The following SLC1A3 variants were observed in gnomAD, a reference collection of about 807,000 sequenced individuals.
SLC1A3 encodes the protein solute carrier family 1 member 3.
In SLC1A3, 21 loss-of-function variants were observed where a neutral mutation model predicts 48.1. The ratio of observed to expected loss-of-function variants is 0.44; its 90% CI spans 0.31 to 0.63. The LOEUF is 0.63. Among genes scored for constraint, SLC1A3 ranks in the 20% least tolerant of loss-of-function variants. The pLI is 0.08. For missense variants in SLC1A3, 546 were observed against 689.0 expected (o/e 0.79, Z 2.32); for synonymous variants, 239 against 251.4 (o/e 0.95, Z 0.47).
intron 2 of SLC1A3, among the ~76,000 whole-genome samples, chr5:36,622,406 G>A (rs1001179002): frequency 6.6e-5 from 10 of 152,164 alleles, no homozygotes; most frequent in African/African-American, 2.4e-4. Flanking sequence ...GCAGATAGAG[G>A]AGGTACTTTA....
chr5:36,684,429 A>G (rs1392066166), intron 9 of SLC1A3, among the ~76,000 whole-genome samples: 1 of 152,150 alleles, frequency 6.6e-6, no homozygotes, highest in Non-Finnish European at 1.5e-5. Flanking sequence ...TCCTAGCCCA[A>G]TAGGGTGAGG....
intron 2 of SLC1A3, among the ~76,000 whole-genome samples, chr5:36,616,551 C>T (rs1171813925): frequency 6.6e-6 from 1 of 152,162 alleles, no homozygotes; most frequent in Non-Finnish European, 1.5e-5. Flanking sequence ...TCCAGTTCTC[C>T]AACAATGTTT....
chr5:36,636,709 A>G lies in SLC1A3; in HGVS notation c.319+7122A>G, dbSNP rs186019843. Among the ~76,000 whole-genome samples the G allele has an allele frequency of 3.3e-5, 5 of 151,084 alleles. No individual in the cohort carries two copies. The East Asian group carries it at 5.8e-4, about 18-fold the overall frequency. ...CCTGTGAAATTCCCAAGAAAAGTCA[A>G]CCTGAGGAACATGGCCTCACAAATG... On this transcript the variant is annotated intron_variant, in intron 3 of 9. Coordinates refer to ENST00000265113, the MANE Select transcript of SLC1A3 (RefSeq NM_004172.5).
chr5:36,614,538 ACCAGAAAGTAATCC>A (rs1299340429), intron 2 of SLC1A3, among the ~76,000 whole-genome samples: 1 of 152,184 alleles, frequency 6.6e-6, no homozygotes, highest in East Asian at 1.9e-4. Flanking sequence ...CCTGAGCAGA[ACCAGAAAGTAATCC>A]CCAGGCAGCC....
chr5:36,663,535 C>A (rs1382667825), intron 3 of SLC1A3, among the ~76,000 whole-genome samples: 2 of 151,932 alleles, frequency 1.3e-5, no homozygotes, highest in South Asian at 4.2e-4. Context: ...GCCACCGCGC[C>A]CGGCCCTGCA....
At chr5:36,675,847 C>G (rs550448548) in intron 5 of SLC1A3, among the ~76,000 whole-genome samples, 2 of 152,164 alleles carry the variant, frequency 1.3e-5, no homozygotes, top group African/African-American at 4.8e-5. Context: ...TTTCCATTAA[C>G]CCTTGGTAAA....
chr5:36,649,064 C>T (rs190414037), intron 3 of SLC1A3, among the ~76,000 whole-genome samples: 14 of 152,160 alleles, frequency 9.2e-5, no homozygotes, highest in African/African-American at 1.9e-4. Flanking sequence ...TTTATCTTGA[C>T]GAGGCCTGGT....
chr5:36,604,299 A>G (rs1041794952), upstream of SLC1A3, among the ~76,000 whole-genome samples: 1 of 151,730 alleles, frequency 6.6e-6, no homozygotes, highest in Admixed American at 6.6e-5. Context: ...AGACTTGTTC[A>G]TAATTTCTTG....
intron 1 of SLC1A3, among the ~76,000 whole-genome samples, chr5:36,596,999 G>A (rs1738748658): frequency 6.6e-6 from 1 of 152,026 alleles, no homozygotes; most frequent in Non-Finnish European, 1.5e-5. Context: ...GTCACATTTG[G>A]ATGTTTGGGT....
intron 3 of SLC1A3, among the ~76,000 whole-genome samples, chr5:36,661,375 GCACTC>G (rs1351208963): frequency 6.6e-6 from 1 of 152,222 alleles, no homozygotes; most frequent in Non-Finnish European, 1.5e-5. Context: ...TCATGCCACT[GCACTC>G]CAGCCTGGGC....
At chr5:36,600,256 G>C (rs1323694406) in intron 1 of SLC1A3, among the ~76,000 whole-genome samples, 2 of 152,076 alleles carry the variant, frequency 1.3e-5, no homozygotes, top group Admixed American at 1.3e-4. Flanking sequence ...CAGGTTTAGA[G>C]CTGATGTGTC....
In SLC1A3 at chr5:36,651,326, A is replaced by G. The variant is rs550849154; in HGVS notation, c.320-19703A>G. ...CAACACCATATTGATCCTAATCTAC[A>G]CTAACTTCCTTTCTAGTCTCCCTGC... is the stretch of plus-strand genomic sequence containing the variant. On this transcript the variant is annotated intron_variant, in intron 3 of 9. Coordinates refer to ENST00000265113, the MANE Select transcript of SLC1A3 (RefSeq NM_004172.5). Among the ~76,000 whole-genome samples the G allele has an allele frequency of 8.8e-4, 133 of 151,942 alleles. 1 individual carries two copies. The highest frequency in any genetic ancestry group is 2.9e-3 in the African/African-American group (119 of 41,400).
At chr5:36,641,520 C>A (rs547270902) in intron 3 of SLC1A3, among the ~76,000 whole-genome samples, 80 of 151,704 alleles carry the variant, frequency 5.3e-4, no homozygotes, top group African/African-American at 1.8e-3. Context: ...GATTCACACA[C>A]AAAAAAATCC....
At chr5:36,657,956 G>C (rs1741349823) in intron 3 of SLC1A3, among the ~76,000 whole-genome samples, 1 of 152,236 alleles carries the variant, frequency 6.6e-6, no homozygotes, top group Non-Finnish European at 1.5e-5. Flanking sequence ...ACAAAGCAGA[G>C]TAGCTACTAA....
chr5:36,682,593 C>T (rs372443071), intron 8 of SLC1A3, among the ~76,000 whole-genome samples: 1 of 152,188 alleles, frequency 6.6e-6, no homozygotes, highest in Admixed American at 6.5e-5. Context: ...CTCTTTCATG[C>T]AGCACAGCTC....
chr5:36,615,447 A>G (rs953959548), intron 2 of SLC1A3, among the ~76,000 whole-genome samples: 3 of 152,108 alleles, frequency 2.0e-5, no homozygotes, highest in Non-Finnish European at 2.9e-5. Flanking sequence ...TCTTTTTCCT[A>G]GATAACCCAT....
intron 3 of SLC1A3, among the ~76,000 whole-genome samples, chr5:36,654,704 C>T (rs553297635): frequency 1.6e-4 from 24 of 152,204 alleles, no homozygotes; most frequent in Non-Finnish European, 2.9e-4. Flanking sequence ...TGCATGTGTG[C>T]TCTGCGTCAT....
chr5:36,629,750 C>T (rs1470602777), intron 3 of SLC1A3, among the ~76,000 whole-genome samples, 163 bp downstream of exon 3: 2 of 151,236 alleles, frequency 1.3e-5, no homozygotes, highest in African/African-American at 4.9e-5. Flanking sequence ...TTTAGTAATG[C>T]ATGAATGATT....
At chr5:36,680,358 G>T (rs1742387986) in intron 7 of SLC1A3, 37 bp from the exon 8 acceptor site, 3 of 1,563,358 alleles carry the variant, frequency 1.9e-6, no homozygotes, top group Non-Finnish European at 2.6e-6. Flanking sequence ...GAACTACCAG[G>T]ACACTCAGCT....
Sources: gnomAD v4.1 joint callset for allele counts (sites outside exome capture counted in the v4.1 genomes callset) on GRCh38, gnomAD v4.1.1 for gene constraint, MANE v1.5 for transcripts, NCBI Gene and HGNC (gene_info 2026-07-23, HGNC 2026-07-21) for gene names.